TSEN15: variants seen among roughly 807,000 people sequenced by gnomAD.
TSEN15 encodes tRNA-splicing endonuclease subunit Sen15.
In TSEN15, 10 loss-of-function variants were observed where a neutral mutation model predicts 20.5. The observed-to-expected ratio is 0.49, with a 90% CI of 0.30 to 0.83. The LOEUF (loss-of-function observed/expected upper bound fraction) is 0.83, where lower values mean the gene tolerates loss of function less well. Ranked by LOEUF, TSEN15 falls within the 40% of genes least tolerant of loss-of-function variation. TSEN15 has a pLI of 0.06. For synonymous variants in TSEN15, 72 were observed against 80.1 expected, an observed-to-expected ratio of 0.90 and a Z score of 0.54; for missense variants, 180 against 218.6, an observed-to-expected ratio of 0.82 and a Z score of 1.11.
intron 3 of TSEN15, among the ~76,000 whole-genome samples, chr1:184,065,115 G>A (rs1036408706): frequency 2.0e-5 from 3 of 151,548 alleles, no homozygotes; most frequent in African/African-American, 7.3e-5. Context: ...TTTTCTTTTT[G>A]TCAATAAATG....
intron 4 of TSEN15, 64 bp downstream of exon 4, chr1:184,072,362 G>T (rs771497560): frequency 6.8e-7 from 1 of 1,473,758 alleles, no homozygotes; most frequent in South Asian, 1.4e-5. Context: ...GTGATTTTAA[G>T]TGTGACTCAA....
intron 3 of TSEN15, among the ~76,000 whole-genome samples, chr1:184,059,335 G>T (rs1453079798): frequency 6.6e-6 from 1 of 152,090 alleles, no homozygotes; most frequent in African/African-American, 2.4e-5. Context: ...GTCAGAGTAG[G>T]TGTCTAGTAA....
At chr1:184,088,436 A>T (rs1323168507) in intron 3 of TSEN15, among the ~76,000 whole-genome samples, 1 of 152,160 alleles carries the variant, frequency 6.6e-6, no homozygotes, top group African/African-American at 2.4e-5. Flanking sequence ...CTGCCAAAAA[A>T]TGGGGAGGAG....
chr1:184,062,934 G>A (rs527837847), intron 3 of TSEN15, among the ~76,000 whole-genome samples: 2 of 152,034 alleles, frequency 1.3e-5, no homozygotes, highest in South Asian at 4.2e-4. Flanking sequence ...TAAAATCCAG[G>A]CACAGTTAAG....
chr1:184,082,354 A>G (rs1572720578), intron 3 of TSEN15, among the ~76,000 whole-genome samples: 1 of 151,920 alleles, frequency 6.6e-6, no homozygotes, highest in South Asian at 2.1e-4. Flanking sequence ...CATGTTGGGG[A>G]ACTTTCAGGC....
intron 3 of TSEN15, chr1:184,095,552 G>T (rs1021311351): frequency 1.8e-5 from 7 of 393,782 alleles, no homozygotes; most frequent in Non-Finnish European, 2.7e-5. Flanking sequence ...CATGAGAGTG[G>T]GGCCTTAATC....
intron 1 of TSEN15, among the ~76,000 whole-genome samples, chr1:184,052,464 A>G (rs1650090041): frequency 6.6e-6 from 1 of 152,160 alleles, no homozygotes; most frequent in Non-Finnish European, 1.5e-5. Flanking sequence ...CGAGATCAAG[A>G]TAGTCCTCTG....
chr1:184,060,776 G>A (rs988857866), intron 3 of TSEN15, among the ~76,000 whole-genome samples: 3 of 136,988 alleles, frequency 2.2e-5, no homozygotes, highest in African/African-American at 7.5e-5. Flanking sequence ...GCTGTACCAC[G>A]GTCTCAGTTA....
chr1:184,093,425 T>C (rs1371638252), intron 3 of TSEN15, among the ~76,000 whole-genome samples: 3 of 152,174 alleles, frequency 2.0e-5, no homozygotes, highest in Non-Finnish European at 4.4e-5. Flanking sequence ...TGACCTTGGG[T>C]AAGTTCCTTA....
intron 3 of TSEN15, among the ~76,000 whole-genome samples, chr1:184,057,431 A>G (rs1470999462): frequency 2.6e-5 from 4 of 152,084 alleles, no homozygotes; most frequent in South Asian, 4.1e-4. Context: ...AATACTTAAC[A>G]TTTTTTCTAG....
At position 184,071,438 on chromosome 1, in the gene TSEN15, C is replaced by T. The variant is rs140104196; in HGVS notation, c.354-719C>T. Among the ~76,000 whole-genome samples, 466 of 151,896 alleles carry T rather than the reference C, an allele frequency of 3.1e-3. 2 individuals are homozygous for T. The highest frequency in any genetic ancestry group is 7.3e-3 in the African/African-American group (303 of 41,480). ...AGAAAATTATTTAAAGTAATAATTA[C>T]AACACTATATTACTGGGTTTAAATA... On this transcript the variant is annotated intron_variant, in intron 3 of 4. Coordinates refer to ENST00000645668, the MANE Select transcript of TSEN15 (RefSeq NM_052965.4).
At chr1:184,066,788 T>C (rs1185502307) in intron 3 of TSEN15, among the ~76,000 whole-genome samples, 1 of 152,200 alleles carries the variant, frequency 6.6e-6, no homozygotes, top group East Asian at 1.9e-4. Flanking sequence ...CTCTTTTGCC[T>C]TTCCATATCA....
At chr1:184,086,058 A>C (rs538193072) in intron 3 of TSEN15, among the ~76,000 whole-genome samples, 98 of 152,360 alleles carry the variant, frequency 6.4e-4, no homozygotes, top group African/African-American at 2.2e-3. Context: ...GTGGGGTTGC[A>C]CTTCAGATTA....
chr1:184,065,183 T>TACAC lies in TSEN15; in HGVS notation c.354-6955_354-6952dup, dbSNP rs34263893. On this transcript the variant is annotated intron_variant, in intron 3 of 4. Transcript: ENST00000645668. ...AACCTTAGAGTCATTTTAAAATGTA[T>TACAC]ACACACACACACACACACACACTTT... Among the ~76,000 whole-genome samples, 839 of 150,118 alleles carry TACAC rather than the reference T, an allele frequency of 5.6e-3. 6 individuals are homozygous for TACAC. Among genetic ancestry groups the TACAC allele is most frequent in the African/African-American group, 0.018 (747 of 40,934 alleles).
At chr1:184,084,735 A>G (rs1361144413) in intron 3 of TSEN15, among the ~76,000 whole-genome samples, 2 of 151,976 alleles carry the variant, frequency 1.3e-5, no homozygotes, top group Non-Finnish European at 1.5e-5. Context: ...GAGGAGTCAA[A>G]TTAGCCCTTT....
chr1:184,062,523 G>A (rs553854101), intron 3 of TSEN15, among the ~76,000 whole-genome samples: 1 of 152,190 alleles, frequency 6.6e-6, no homozygotes, highest in African/African-American at 2.4e-5. Flanking sequence ...AGCCTGATTA[G>A]CTTCACTTTG....
At chr1:184,081,805 C>T (rs1185303763) in intron 3 of TSEN15, among the ~76,000 whole-genome samples, 1 of 152,102 alleles carries the variant, frequency 6.6e-6, no homozygotes, top group African/African-American at 2.4e-5. Flanking sequence ...CTTTTTCCCA[C>T]TTCATGGCTC....
intron 3 of TSEN15, among the ~76,000 whole-genome samples, chr1:184,065,507 A>G (rs1650621532): frequency 6.6e-6 from 1 of 152,160 alleles, no homozygotes; most frequent in Admixed American, 6.5e-5. Flanking sequence ...CCTATGCTTC[A>G]TTTATTCATC....
At chr1:184,083,259 T>C (rs1412105047) in intron 3 of TSEN15, among the ~76,000 whole-genome samples, 2 of 152,196 alleles carry the variant, frequency 1.3e-5, no homozygotes, top group African/African-American at 4.8e-5. Context: ...GAGCTTCATG[T>C]ACCTCAGGCT....
Sources: gnomAD v4.1 joint callset for allele counts (sites outside exome capture counted in the v4.1 genomes callset) on GRCh38, gnomAD v4.1.1 for gene constraint, MANE v1.5 for transcripts, NCBI Gene and HGNC (gene_info 2026-07-23, HGNC 2026-07-21) for gene names.